Variants in CCDC39 observed in about 807,000 individuals in gnomAD.
CCDC39 encodes the protein coiled-coil domain 39 molecular ruler complex subunit.
In CCDC39, 113 loss-of-function variants were observed where a neutral mutation model predicts 121.0. The observed-to-expected ratio is 0.93, with a 90% CI of 0.80 to 1.09. The LOEUF is 1.09. Ranked by LOEUF, CCDC39 falls within the 50% of genes least tolerant of loss-of-function variation. CCDC39 has a pLI of 0.00. For missense variants in CCDC39, 1,063 were observed against 1,074.7 expected (o/e 0.99, Z 0.15); for synonymous variants, 349 against 352.2 (o/e 0.99, Z 0.10).
chr3:180,635,546 G>A (rs1717804843), intron 13 of CCDC39, among the ~76,000 whole-genome samples: 1 of 152,162 alleles, frequency 6.6e-6, no homozygotes, highest in Non-Finnish European at 1.5e-5. Flanking sequence ...TGGAGAAGTT[G>A]GCCAAAACAG....
chr3:180,650,542 G>C (rs978378669), intron 9 of CCDC39, among the ~76,000 whole-genome samples: 5 of 152,102 alleles, frequency 3.3e-5, no homozygotes, highest in African/African-American at 1.2e-4. Flanking sequence ...ATGGAATCCA[G>C]GGCACAGTGG....
chr3:180,634,824 C>T (rs1471504059), intron 13 of CCDC39, among the ~76,000 whole-genome samples: 1 of 152,154 alleles, frequency 6.6e-6, no homozygotes, highest in Admixed American at 6.5e-5. Flanking sequence ...CTAACATATA[C>T]CCCTGTGAAA....
At chr3:180,657,575 T>G (rs1711612446) in intron 6 of CCDC39, among the ~76,000 whole-genome samples, 2 of 152,160 alleles carry the variant, frequency 1.3e-5, no homozygotes, top group South Asian at 4.1e-4. Flanking sequence ...TTTTATGAGC[T>G]GTGTACTCAT....
intron 14 of CCDC39, among the ~76,000 whole-genome samples, chr3:180,624,604 G>T (rs1050779372): frequency 2.0e-5 from 3 of 151,990 alleles, no homozygotes; most frequent in Non-Finnish European, 2.9e-5. Flanking sequence ...GTACTTTTGT[G>T]TGTTTTCACG....
chr3:180,618,784 C>T (rs1276986162), intron 16 of CCDC39, among the ~76,000 whole-genome samples: 1 of 152,104 alleles, frequency 6.6e-6, no homozygotes, highest in Non-Finnish European at 1.5e-5. Context: ...ATATGTGCCA[C>T]ATTTTCTTAA....
rs188944598 is a variant in CCDC39, at chr3:180,666,196, C to T, written c.91-2210G>A. Among the ~76,000 whole-genome samples, 209 of 152,180 alleles carry T rather than the reference C, an allele frequency of 1.4e-3. 1 individual carries two copies. The highest frequency in any genetic ancestry group is 4.8e-3 in the African/African-American group (198 of 41,538). ...CTATGAATTTGACTACTCTAGGTACCTCATATAAATGCAATCATGCAATAT... is the reference window on the plus strand; with the variant it reads ...CTATGAATTTGACTACTCTAGGTACTTCATATAAATGCAATCATGCAATAT... On this transcript the variant is annotated intron_variant, in intron 1 of 19. Coordinates refer to ENST00000476379, the MANE Select transcript of CCDC39 (RefSeq NM_181426.2).
rs60546376 is a variant in CCDC39 at position 180,623,078 on chromosome 3, TTTATTATTATTA to T, written c.1999-3120_1999-3109del. The stretch of plus-strand genomic sequence containing the variant: ...GCTTTTTTGTTGTTGTTTGGAGATT[TTTATTATTATTA>T]TTATTATTATTATTATTATTATTAT... On this transcript the variant is annotated intron_variant, in intron 14 of 19. Transcript: ENST00000476379. 3.4e-4 allele frequency among the ~76,000 whole-genome samples: 49 copies of T among 144,974 alleles called. No individual in the cohort carries two copies. The South Asian group carries it at 3.5e-3, about 10-fold the overall frequency.
chr3:180,677,083 CATGTATACAT>C, intron 1 of CCDC39, among the ~76,000 whole-genome samples: 1 of 145,604 alleles, frequency 6.9e-6, no homozygotes, highest in South Asian at 2.2e-4. Flanking sequence ...CAACATGGCA[CATGTATACAT>C]ATGTAACAAA....
At chr3:180,653,160 A>G (rs1711511862) in intron 7 of CCDC39, among the ~76,000 whole-genome samples, 1 of 152,208 alleles carries the variant, frequency 6.6e-6, no homozygotes, top group Non-Finnish European at 1.5e-5. Flanking sequence ...GGGGAAGGCC[A>G]TGAAGAGAGA....
chr3:180,650,450 C>G lies in CCDC39; in HGVS notation c.1167+951G>C, dbSNP rs999761119. On this transcript the variant is annotated intron_variant, in intron 9 of 19. Coordinates refer to ENST00000476379, the MANE Select transcript of CCDC39 (RefSeq NM_181426.2). ...AGAAATCAGTTGTAAAACAAAGCCA[C>G]TTTTTGAACTATTTGTATGCAATAT... Among the ~76,000 whole-genome samples the G allele has an allele frequency of 3.3e-5, 5 of 152,208 alleles. No individual in the cohort carries two copies. The South Asian group carries it at 1.0e-3, about 32-fold the overall frequency.
chr3:180,616,569 T>G lies in CCDC39; in HGVS notation c.2533A>C (p.Ile845Leu). ...HKVIDEMLVD[I>L]IEENTEIRII... ...CGGATCTCAGTATTTTCTTCTATGA[T>G]ATCAACTAACATTTCATCAATAACT... The change falls in exon 18 of 20, where the codon ATC becomes CTC. Residue 845 changes from isoleucine (I) to leucine (L), a missense_variant. By Grantham distance (5) the Ile-to-Leu change is conservative. Transcript: ENST00000476379. 6.2e-7 allele frequency: 1 copy of G among 1,601,086 alleles called. No individual in the cohort carries two copies. Among genetic ancestry groups the G allele is most frequent in the Middle Eastern group, 1.7e-4 (1 of 5,966 alleles).
At chr3:180,662,913 A>G (rs2108430612) in intron 2 of CCDC39, among the ~76,000 whole-genome samples, 1 of 152,298 alleles carries the variant, frequency 6.6e-6, no homozygotes, top group Non-Finnish European at 1.5e-5. Flanking sequence ...TGCACTTTAA[A>G]AAAACTAGTT....
chr3:180,627,156 G>T (rs1717583284), intron 14 of CCDC39, among the ~76,000 whole-genome samples: 1 of 152,158 alleles, frequency 6.6e-6, no homozygotes, highest in African/African-American at 2.4e-5. Context: ...GAATTGTAAA[G>T]ATAAGTTTTA....
intron 7 of CCDC39, among the ~76,000 whole-genome samples, 187 bp from the exon 8 acceptor site, chr3:180,652,453 C>T (rs930367417): frequency 1.3e-5 from 2 of 151,932 alleles, no homozygotes; most frequent in East Asian, 1.9e-4. Flanking sequence ...TTTTAATTGG[C>T]TTTGTTGTAT....
intron 12 of CCDC39, 46 bp from the exon 13 acceptor site, chr3:180,642,247 G>T: frequency 7.7e-7 from 1 of 1,296,226 alleles, no homozygotes. Flanking sequence ...ATTTTTAATT[G>T]CAAAACCAAA....
At chr3:180,621,896 T>A (rs1158552495) in intron 14 of CCDC39, among the ~76,000 whole-genome samples, 1 of 152,150 alleles carries the variant, frequency 6.6e-6, no homozygotes, top group Non-Finnish European at 1.5e-5. Context: ...TGCTTAGGAT[T>A]ACTTTGGTTA....
At chr3:180,632,530 A>G (rs1355292305) in intron 13 of CCDC39, among the ~76,000 whole-genome samples, 1 of 152,208 alleles carries the variant, frequency 6.6e-6, no homozygotes, top group Non-Finnish European at 1.5e-5. Flanking sequence ...TCATTTCCTC[A>G]GAAAATATTT....
At chr3:180,660,836 G>A (rs749816166) in intron 3 of CCDC39, 108 bp from the exon 4 acceptor site, 18 of 885,212 alleles carry the variant, frequency 2.0e-5, no homozygotes, top group Admixed American at 5.5e-5. Context: ...TAAAAATGAG[G>A]AAATCCTGTC....
intron 14 of CCDC39, among the ~76,000 whole-genome samples, chr3:180,623,122 A>G (rs1448936127): frequency 6.8e-6 from 1 of 146,580 alleles, no homozygotes; most frequent in Non-Finnish European, 1.5e-5. Context: ...TTATGGATTC[A>G]TTCTTGCTAT....
Sources: allele counts gnomAD v4.1 joint callset (sites outside exome capture counted in the v4.1 genomes callset), GRCh38; gene constraint gnomAD v4.1.1; transcripts MANE v1.5; gene names NCBI Gene and HGNC (gene_info 2026-07-23, HGNC 2026-07-21).